The following OSBP2 variants were observed in gnomAD, a reference collection of about 807,000 sequenced individuals.
OSBP2 encodes the protein oxysterol-binding protein 2.
In OSBP2, 66 loss-of-function variants were observed where a neutral mutation model predicts 96.0. The ratio of observed to expected loss-of-function variants is 0.69; its 90% CI spans 0.56 to 0.84. The LOEUF is 0.84. Ranked by LOEUF, OSBP2 falls within the 40% of genes least tolerant of loss-of-function variation. The pLI is 0.00. For missense variants in OSBP2, 1,038 were observed against 1,222.7 expected (o/e 0.85, Z 2.25); for synonymous variants, 525 against 520.9 (o/e 1.01, Z -0.11).
At chr22:30,732,224 A>T (rs2089791412) in intron 1 of OSBP2, among the ~76,000 whole-genome samples, 1 of 152,176 alleles carries the variant, frequency 6.6e-6, no homozygotes, top group Non-Finnish European at 1.5e-5. Context: ...GAATCACTTG[A>T]ACCTGGGAGG....
upstream of OSBP2, chr22:30,694,142 C>T: frequency 6.5e-7 from 1 of 1,549,536 alleles, no homozygotes; most frequent in East Asian, 2.4e-5. Flanking sequence ...AGTTCAGAAT[C>T]CCACTTTGAG....
intron 2 of OSBP2, among the ~76,000 whole-genome samples, chr22:30,783,302 CTTTTTTTTTTTTTTT>C (rs35470453): frequency 5.8e-5 from 2 of 34,708 alleles, no homozygotes; most frequent in African/African-American, 1.4e-4. Flanking sequence ...ATTCAGAGAG[CTTTTTTTTTTTTTTT>C]TTTTTTTTTT....
chr22:30,732,206 A>G lies in OSBP2; in HGVS notation c.645-8955A>G, dbSNP rs369393328. On this transcript the variant is annotated intron_variant, in intron 1 of 13. Transcript: ENST00000332585. ...ATAGTCCCAGCTACTCGGGAGGCTG[A>G]GACAGGAGAATCACTTGAACCTGGG... 4.6e-5 allele frequency among the ~76,000 whole-genome samples: 7 copies of G among 152,160 alleles called. No homozygotes were observed. In the East Asian group the frequency reaches 7.7e-4, roughly 17 times the overall value.
At chr22:30,761,929 A>C (rs1282023709) in intron 2 of OSBP2, among the ~76,000 whole-genome samples, 1 of 152,234 alleles carries the variant, frequency 6.6e-6, no homozygotes, top group Non-Finnish European at 1.5e-5. Flanking sequence ...TATTTATATA[A>C]AATTTAACTC....
chr22:30,890,812 T>C lies in OSBP2; in HGVS notation c.1708T>C (p.Cys570Arg), dbSNP rs371681629. 32 of 1,613,640 alleles carry C rather than the reference T, an allele frequency of 2.0e-5. No homozygotes were observed. The highest frequency in any genetic ancestry group is 2.5e-5 in the Non-Finnish European group (30 of 1,180,004). ...CCACCTGCTGGACAAGGCAGTGCACTGCACCAGCTCAGTGGAGCAGATGTG... is the reference window on the plus strand; with the variant it reads ...CCACCTGCTGGACAAGGCAGTGCACCGCACCAGCTCAGTGGAGCAGATGTG... ...YHHLLDKAVHCTSSVEQMCLV... is the reference protein window; with the variant it reads ...YHHLLDKAVHRTSSVEQMCLV... Residue 570 changes from cysteine (C) to arginine (R), a missense_variant, in exon 8 of 14, where the codon TGC (cysteine) becomes CGC (arginine). By Grantham distance (180) the Cys-to-Arg change is radical. Around this residue, in one of 3 missense-constraint regions of OSBP2, gnomAD observed 737 missense variants for 913.3 expected, o/e 0.81. Transcript: ENST00000332585. This position sits in a 1 kb window ranked among gnomAD's most constrained non-coding sequence, Gnocchi z 4.4.
chr22:30,698,583 C>T (rs1294372451), intron 1 of OSBP2, among the ~76,000 whole-genome samples: 4 of 151,836 alleles, frequency 2.6e-5, no homozygotes, highest in African/African-American at 7.3e-5. Flanking sequence ...GAACTACAGG[C>T]GTGCACCACC....
chr22:30,760,543 C>T (rs2090194005), intron 2 of OSBP2, among the ~76,000 whole-genome samples: 1 of 152,076 alleles, frequency 6.6e-6, no homozygotes, highest in African/African-American at 2.4e-5. Flanking sequence ...GGGCTGGGGG[C>T]AGTGGCTCAC....
intron 1 of OSBP2, among the ~76,000 whole-genome samples, chr22:30,717,084 C>CTTTTTT: frequency 1.4e-5 from 1 of 72,432 alleles, no homozygotes; most frequent in South Asian, 7.9e-4. Flanking sequence ...TTTAATTTTA[C>CTTTTTT]TGTTTTTGTG....
chr22:30,874,401 A>C (rs2039531039), intron 3 of OSBP2, among the ~76,000 whole-genome samples: 1 of 152,002 alleles, frequency 6.6e-6, no homozygotes, highest in Admixed American at 6.6e-5. Context: ...ACAGAGTGAG[A>C]CTCTGTCTCA....
At position 30,694,934 on chromosome 22, in the gene OSBP2, C is replaced by G. The variant is rs780587453; in HGVS notation, c.25C>G (p.Arg9Gly). 1.3e-5 allele frequency: 20 copies of G among 1,501,480 alleles called. No homozygotes were observed. The highest frequency in any genetic ancestry group is 1.7e-5 in the Non-Finnish European group (19 of 1,136,074). 93.0% of individuals were successfully genotyped at this position (1,501,480 alleles called of 1,614,324 possible). Residue 9 changes from arginine (R) to glycine (G), a missense_variant, in exon 1 of 14, where the codon CGA becomes GGA. Arg to Gly is a moderately radical substitution (Grantham distance 125). Coordinates refer to ENST00000332585, the MANE Select transcript of OSBP2 (RefSeq NM_030758.4). MGKAAAPS[R>G]GGGCGGRSRG... ...TATGGGGAAAGCGGCGGCTCCGAGCCGAGGCGGCGGCTGTGGCGGCCGCTC... is the reference window on the plus strand; with the variant it reads ...TATGGGGAAAGCGGCGGCTCCGAGCGGAGGCGGCGGCTGTGGCGGCCGCTC...
intron 1 of OSBP2, among the ~76,000 whole-genome samples, chr22:30,700,226 A>G (rs544490870): frequency 6.6e-6 from 1 of 152,186 alleles, no homozygotes; most frequent in African/African-American, 2.4e-5. Context: ...GGCCTCCCAA[A>G]GTGCTGGAAT....
chr22:30,802,641 TTATC>T (rs1251038593), intron 2 of OSBP2, among the ~76,000 whole-genome samples: 2 of 152,214 alleles, frequency 1.3e-5, no homozygotes, highest in Non-Finnish European at 2.9e-5. Context: ...GAGCTCGCCT[TTATC>T]TAGCCCTCTG....
At chr22:30,742,629 A>G (rs796071748) in intron 2 of OSBP2, among the ~76,000 whole-genome samples, 20 of 152,236 alleles carry the variant, frequency 1.3e-4, no homozygotes, top group African/African-American at 4.8e-4. Context: ...ATTTAGCAAT[A>G]TGTCTTGGAA....
chr22:30,743,104 C>T (rs979497057), intron 2 of OSBP2, among the ~76,000 whole-genome samples: 2 of 152,212 alleles, frequency 1.3e-5, no homozygotes, highest in African/African-American at 4.8e-5. Context: ...ATGTGTTTGT[C>T]TGGGGAGGCA....
chr22:30,764,473 G>A (rs933309899), intron 2 of OSBP2: 8 of 885,470 alleles, frequency 9.0e-6, no homozygotes, highest in African/African-American at 1.8e-5. Context: ...GGAGTGTGGC[G>A]TTGTTCTGGC....
chr22:30,739,024 T>G (rs2089896506), intron 1 of OSBP2, among the ~76,000 whole-genome samples: 1 of 152,198 alleles, frequency 6.6e-6, no homozygotes, highest in Non-Finnish European at 1.5e-5. Flanking sequence ...TGCTGGCCAA[T>G]CACTCTTCCT....
rs183433513 is a variant in OSBP2, at chr22:30,870,332, T to C, written c.854-97T>C. The C allele has an allele frequency of 1.8e-4, 232 of 1,272,636 alleles. 1 individual carries two copies. In the East Asian group the frequency reaches 4.4e-3, roughly 24 times the overall value. The allele number at this position is 1,272,636 out of a possible 1,614,324, so 78.8% of individuals were successfully genotyped here. ...ATCTCGGGGACTGATGTTTTTTGAA[T>C]GGCGCTATCCACCCTGCCCTGCTCG... is the stretch of plus-strand genomic sequence containing the variant. On this transcript the variant is annotated intron_variant, in intron 2 of 13. Transcript: ENST00000332585. The surrounding 1 kb of genome is among the most constrained non-coding windows in gnomAD (Gnocchi z 4.1).
intron 2 of OSBP2, among the ~76,000 whole-genome samples, chr22:30,776,936 C>T (rs1210593170): frequency 1.3e-5 from 2 of 152,154 alleles, no homozygotes; most frequent in Non-Finnish European, 2.9e-5. Context: ...GATCTGACTG[C>T]CCCACTGGAT....
At chr22:30,753,465 G>A (rs1484996366) in intron 2 of OSBP2, among the ~76,000 whole-genome samples, 1 of 152,140 alleles carries the variant, frequency 6.6e-6, no homozygotes, top group Non-Finnish European at 1.5e-5. Context: ...ACCAGGGGAG[G>A]TTCAAGATAA....
Sources: gnomAD v4.1 joint callset for allele counts (sites outside exome capture counted in the v4.1 genomes callset) on GRCh38, gnomAD v4.1.1 for gene constraint, gnomAD v4.1.1 regional missense constraint, Gnocchi (gnomAD v3.1) non-coding constraint, MANE v1.5 for transcripts, NCBI Gene and HGNC (gene_info 2026-07-23, HGNC 2026-07-21) for gene names.